CHN2: variants seen among roughly 807,000 people sequenced by gnomAD.
CHN2 encodes the protein chimerin 2, also known as beta-chimaerin.
In CHN2, 35 loss-of-function variants were observed where a neutral mutation model predicts 56.3. The observed-to-expected ratio is 0.62, with a 90% confidence interval of 0.47 to 0.82. The LOEUF (loss-of-function observed/expected upper bound fraction) is 0.82, where lower values mean the gene tolerates loss of function less well. Among genes scored for constraint, CHN2 ranks in the 40% least tolerant of loss-of-function variants. CHN2 has a pLI of 0.00. For missense variants in CHN2, 491 were observed against 580.5 expected, an observed-to-expected ratio of 0.85 and a Z score of 1.58; for synonymous variants, 210 against 212.8, an observed-to-expected ratio of 0.99 and a Z score of 0.12.
intron 2 of CHN2, among the ~76,000 whole-genome samples, chr7:29,167,188 T>C (rs1024935263): frequency 1.3e-5 from 2 of 152,206 alleles, no homozygotes; most frequent in African/African-American, 4.8e-5. Flanking sequence ...AAACTAACTT[T>C]TAATTATTTA....
intron 6 of CHN2, among the ~76,000 whole-genome samples, chr7:29,429,202 A>T: frequency 6.6e-6 from 1 of 152,228 alleles, no homozygotes; most frequent in East Asian, 1.9e-4. Context: ...TCATATACTC[A>T]GACCACTTCA....
intron 2 of CHN2, among the ~76,000 whole-genome samples, chr7:29,163,184 A>G (rs1400779207): frequency 2.0e-5 from 3 of 152,170 alleles, no homozygotes; most frequent in Admixed American, 2.0e-4. Context: ...ATTTTTAAGC[A>G]TGTTTGATAT....
At chr7:29,358,816 A>G (rs1346651648) in intron 2 of CHN2, among the ~76,000 whole-genome samples, 1 of 152,198 alleles carries the variant, frequency 6.6e-6, no homozygotes, top group African/African-American at 2.4e-5. Context: ...GCTGCAAGCA[A>G]CAGAATACTA....
intron 7 of CHN2, among the ~76,000 whole-genome samples, chr7:29,482,243 C>T (rs1198931455): frequency 6.6e-6 from 1 of 152,180 alleles, no homozygotes; most frequent in Non-Finnish European, 1.5e-5. Flanking sequence ...AGGAGCGTTT[C>T]TCTTCCATGT....
intron 1 of CHN2, among the ~76,000 whole-genome samples, chr7:29,351,481 A>G (rs1324502186): frequency 6.6e-6 from 1 of 152,234 alleles, no homozygotes; most frequent in Non-Finnish European, 1.5e-5. Flanking sequence ...TTCAGAGGGT[A>G]ATAGTGCCGT....
chr7:29,171,520 C>T (rs1796601329), intron 2 of CHN2, among the ~76,000 whole-genome samples: 1 of 152,110 alleles, frequency 6.6e-6, no homozygotes, highest in African/African-American at 2.4e-5. Context: ...TCAATTCAGC[C>T]CCGAGCTTTC....
chr7:29,391,146 G>T (rs555457966), intron 3 of CHN2, among the ~76,000 whole-genome samples: 26 of 152,192 alleles, frequency 1.7e-4, no homozygotes, highest in Admixed American at 1.4e-3. Context: ...AGGAGAGATT[G>T]GATTGCTATC....
intron 1 of CHN2, among the ~76,000 whole-genome samples, chr7:29,316,647 T>C (rs1352903481): frequency 6.6e-6 from 1 of 152,180 alleles, no homozygotes; most frequent in Non-Finnish European, 1.5e-5. Flanking sequence ...AGTTTTCAGG[T>C]AGAGTTGAAT....
In CHN2 at chr7:29,512,516, A is replaced by T. The variant is rs1245301657; in HGVS notation, c.1236-48A>T. The T allele has an allele frequency of 5.3e-6, 8 of 1,509,066 alleles. No individual in the cohort carries two copies. The South Asian group carries it at 8.8e-5, about 17-fold the overall frequency. 93.5% of individuals were successfully genotyped at this position (1,509,066 alleles called of 1,614,324 possible). On this transcript the variant is annotated intron_variant, in intron 12 of 12. Transcript: ENST00000222792. ...ACATACATAATCAATACATAAAATC[A>T]ATCCTCAAGTCTCCATAATGTCTCT...
At chr7:29,453,420 T>C (rs2128132252) in intron 6 of CHN2, among the ~76,000 whole-genome samples, 1 of 152,194 alleles carries the variant, frequency 6.6e-6, no homozygotes, top group African/African-American at 2.4e-5. Context: ...TTTACAGAAA[T>C]TGTCTGGGAA....
chr7:29,183,461 T>C (rs1798321884), intron 2 of CHN2, among the ~76,000 whole-genome samples: 1 of 151,566 alleles, frequency 6.6e-6, no homozygotes, highest in Admixed American at 6.6e-5. Context: ...ACTGCAACTT[T>C]TGTCTCTTGG....
At chr7:29,471,461 G>A (rs77677632) in intron 6 of CHN2, among the ~76,000 whole-genome samples, 10,053 of 152,190 alleles carry the variant, frequency 0.066, 737 homozygotes, top group African/African-American at 0.19. Flanking sequence ...AGCATTGCAC[G>A]ATCAGCCAAC....
intron 2 of CHN2, among the ~76,000 whole-genome samples, chr7:29,188,593 AAG>A (rs1799001734): frequency 6.6e-6 from 1 of 152,072 alleles, no homozygotes; most frequent in African/African-American, 2.4e-5. Context: ...GCTACAGGGA[AAG>A]AAATGAAAAT....
chr7:29,429,469 A>G (rs150877848), intron 6 of CHN2, among the ~76,000 whole-genome samples: 35 of 152,308 alleles, frequency 2.3e-4, no homozygotes, highest in Non-Finnish European at 4.4e-5. Context: ...GATATCTGAT[A>G]CCAATTATAT....
intron 2 of CHN2, among the ~76,000 whole-genome samples, chr7:29,156,175 C>A (rs920941420): frequency 5.3e-5 from 8 of 152,180 alleles, no homozygotes; most frequent in African/African-American, 1.9e-4. Context: ...GGTCTATCTT[C>A]CATTCCCCCA....
At chr7:29,438,132 G>A (rs1562606788) in intron 6 of CHN2, among the ~76,000 whole-genome samples, 1 of 152,224 alleles carries the variant, frequency 6.6e-6, no homozygotes, top group African/African-American at 2.4e-5. Context: ...AGTCAATGAA[G>A]GGGTAAGACA....
intron 2 of CHN2, among the ~76,000 whole-genome samples, chr7:29,181,661 C>G (rs1486645300): frequency 6.6e-6 from 1 of 152,084 alleles, no homozygotes; most frequent in Non-Finnish European, 1.5e-5. Context: ...ATTATGGCCT[C>G]CAACTAGAAA....
intron 1 of CHN2, among the ~76,000 whole-genome samples, chr7:29,264,041 G>A (rs1313715135): frequency 6.7e-6 from 1 of 150,230 alleles, no homozygotes; most frequent in Non-Finnish European, 1.5e-5. Context: ...TGGGGGGTGG[G>A]GGGCAGCCCC....
chr7:29,449,999 G>C (rs947336770), intron 6 of CHN2, among the ~76,000 whole-genome samples: 1 of 152,164 alleles, frequency 6.6e-6, no homozygotes, highest in African/African-American at 2.4e-5. Context: ...TCTGAGTTCC[G>C]TGAAGTGGCT....
Sources: gnomAD v4.1 joint callset for allele counts (sites outside exome capture counted in the v4.1 genomes callset) on GRCh38, gnomAD v4.1.1 for gene constraint, MANE v1.5 for transcripts, NCBI Gene and HGNC (gene_info 2026-07-23, HGNC 2026-07-21) for gene names.